Variants in NECAB2 observed in about 807,000 individuals in gnomAD.
NECAB2 encodes N-terminal EF-hand calcium binding protein 2.
A neutral mutation model predicts 51.9 loss-of-function variants in NECAB2; 68 were observed. That is an observed-to-expected ratio of 1.31 (90% CI 1.08 to 1.60). The LOEUF (loss-of-function observed/expected upper bound fraction) is 1.60. Among genes scored for constraint, NECAB2 ranks in the 40% most tolerant of loss-of-function variants. The pLI, the probability that NECAB2 is intolerant of heterozygous loss-of-function variation, is 0.00. For synonymous variants in NECAB2, 329 were observed against 203.5 expected, an observed-to-expected ratio of 1.62 and a Z score of -5.25; for missense variants, 854 against 490.3, an observed-to-expected ratio of 1.74 and a Z score of -7.00.
intron 8 of NECAB2, among the ~76,000 whole-genome samples, chr16:83,995,013 CTT>C (rs1297855524): frequency 5.9e-5 from 9 of 152,260 alleles, no homozygotes; most frequent in South Asian, 2.1e-4. Context: ...TTCAAGGAGA[CTT>C]TGCTCTGAAG....
At chr16:83,980,462 A>G (rs9925420) in intron 3 of NECAB2, among the ~76,000 whole-genome samples, 5 of 151,732 alleles carry the variant, frequency 3.3e-5, no homozygotes, top group Non-Finnish European at 7.4e-5. Context: ...GGCAGGGTCG[A>G]CTGGGGGTGG....
intron 3 of NECAB2, among the ~76,000 whole-genome samples, chr16:83,980,621 G>A (rs1451070630): frequency 2.0e-5 from 3 of 152,138 alleles, no homozygotes; most frequent in East Asian, 3.9e-4. Context: ...CGAGAAAACA[G>A]AACAAGGGTG....
chr16:83,994,457 TG>T, intron 7 of NECAB2, 37 bp downstream of exon 7: 1 of 1,608,484 alleles, frequency 6.2e-7, no homozygotes, highest in South Asian at 1.1e-5. Context: ...GGGTACCAGC[TG>T]GGGGTCCCGA....
rs369285470 is a variant in NECAB2 at position 83,986,120 on chromosome 16, G to A, written c.460-4374G>A. On this transcript the variant is annotated intron_variant, in intron 5 of 12. Coordinates refer to ENST00000305202, the MANE Select transcript of NECAB2 (RefSeq NM_019065.3). ...CAACCTCTGCTTCCTGGGTTAAAGC[G>A]ATTCTTCCACCTCAGCCTCCCGAGT... Among the ~76,000 whole-genome samples the A allele has an allele frequency of 2.5e-4, 38 of 152,236 alleles. 1 individual carries two copies. The South Asian group carries it at 5.2e-3, about 21-fold the overall frequency.
At chr16:84,000,687 G>C (rs771495587) in intron 10 of NECAB2, 37 bp from the exon 11 acceptor site, 3 of 1,603,980 alleles carry the variant, frequency 1.9e-6, no homozygotes, top group Non-Finnish European at 2.6e-6. Context: ...CCTTGGTTGA[G>C]CTCCAGCCTC....
intron 2 of NECAB2, among the ~76,000 whole-genome samples, chr16:83,976,060 C>T (rs996645025): frequency 6.6e-6 from 1 of 152,142 alleles, no homozygotes; most frequent in African/African-American, 2.4e-5. Flanking sequence ...TGGCTGCCTG[C>T]TCTCCCTGTG....
At chr16:83,987,430 G>A (rs963570492) in intron 5 of NECAB2, among the ~76,000 whole-genome samples, 1 of 152,138 alleles carries the variant, frequency 6.6e-6, no homozygotes, top group Non-Finnish European at 1.5e-5. Flanking sequence ...CAGTACTTCT[G>A]TTATATAATG....
At chr16:83,986,161 C>T (rs989779168) in intron 5 of NECAB2, among the ~76,000 whole-genome samples, 9 of 152,192 alleles carry the variant, frequency 5.9e-5, no homozygotes, top group Admixed American at 3.3e-4. Context: ...GGATTACAGG[C>T]GTGCACCACC....
chr16:83,984,265 G>A (rs374977950), intron 5 of NECAB2, among the ~76,000 whole-genome samples: 1 of 151,786 alleles, frequency 6.6e-6, no homozygotes, highest in Non-Finnish European at 1.5e-5. Context: ...AAAGTGCTGG[G>A]ATTACAGGCG....
intron 2 of NECAB2, among the ~76,000 whole-genome samples, chr16:83,972,501 G>A (rs2084360591): frequency 6.6e-6 from 1 of 152,228 alleles, no homozygotes; most frequent in Non-Finnish European, 1.5e-5. Context: ...GACCAGAGGA[G>A]CCCGGGCTGG....
At chr16:83,998,343 G>A in intron 10 of NECAB2, 26 bp downstream of exon 10, 9 of 1,606,562 alleles carry the variant, frequency 5.6e-6, no homozygotes, top group Non-Finnish European at 7.7e-6. Context: ...AGGCGTGGGT[G>A]GGATGGTGGC....
At chr16:83,976,529 C>T (rs2084413159) in intron 2 of NECAB2, among the ~76,000 whole-genome samples, 1 of 152,202 alleles carries the variant, frequency 6.6e-6, no homozygotes, top group Admixed American at 6.5e-5. Context: ...TGTCACAGAA[C>T]ACAGAAAGCA....
At chr16:83,989,388 C>T (rs562791431) in intron 5 of NECAB2, among the ~76,000 whole-genome samples, 1 of 152,230 alleles carries the variant, frequency 6.6e-6, no homozygotes, top group Non-Finnish European at 1.5e-5. Flanking sequence ...TGCCCCTCCT[C>T]CTCCTCTGTT....
rs1440004120 is a variant in NECAB2 at position 84,002,497 on chromosome 16, C to A, written c.*151C>A. 20 of 980,278 alleles carry A rather than the reference C, an allele frequency of 2.0e-5. No individual in the cohort carries two copies. Among genetic ancestry groups the A allele is most frequent in the Middle Eastern group, 2.1e-4 (1 of 4,762 alleles). The allele number at this position is 980,278 out of a possible 1,614,324, so 60.7% of individuals were successfully genotyped here. A position where few individuals can be genotyped will look rare whatever the true frequency, so the allele number is the denominator to read the frequency against. On this transcript the variant is annotated 3_prime_UTR_variant, in exon 13 of 13. Transcript: ENST00000305202. ...TTTCCCTGTTGTTAAGTGAAGGAGG[C>A]CGCCCCTGCCCCCACCTGAGAAGGC...
intron 6 of NECAB2, among the ~76,000 whole-genome samples, chr16:83,991,611 T>C (rs769984614): frequency 7.9e-5 from 12 of 151,454 alleles, no homozygotes; most frequent in Non-Finnish European, 1.6e-4. Flanking sequence ...CGCCTCAGCC[T>C]CCAGGTGCTG....
At chr16:83,979,345 A>C (rs2084455665) in intron 3 of NECAB2, among the ~76,000 whole-genome samples, 1 of 152,182 alleles carries the variant, frequency 6.6e-6, no homozygotes, top group Admixed American at 6.5e-5. Flanking sequence ...TCTGAGACTG[A>C]CTAGAGATGG....
chr16:83,974,676 C>CGG (rs1455273686), intron 2 of NECAB2, among the ~76,000 whole-genome samples: 1 of 152,094 alleles, frequency 6.6e-6, no homozygotes, highest in Non-Finnish European at 1.5e-5. Flanking sequence ...TTCACATGGT[C>CGG]GGGGGGCAGC....
At chr16:83,990,258 G>T (rs2084605124) in intron 5 of NECAB2, among the ~76,000 whole-genome samples, 2 of 152,190 alleles carry the variant, frequency 1.3e-5, no homozygotes, top group African/African-American at 4.8e-5. Flanking sequence ...ACTCTGGGAG[G>T]TCACAGAGCT....
chr16:84,000,058 A>ATTTTTTTT (rs780319058), intron 10 of NECAB2, among the ~76,000 whole-genome samples: 1 of 118,224 alleles, frequency 8.5e-6, no homozygotes, highest in African/African-American at 5.9e-5. Flanking sequence ...AGCAAGTTTT[A>ATTTTTTTT]TTTTTTTTTT....
Sources: allele counts gnomAD v4.1 joint callset (sites outside exome capture counted in the v4.1 genomes callset), GRCh38; gene constraint gnomAD v4.1.1; transcripts MANE v1.5; gene names NCBI Gene and HGNC (gene_info 2026-07-23, HGNC 2026-07-21).